Variants in TANGO6 observed in about 807,000 individuals in gnomAD.
TANGO6 encodes the protein transport and Golgi organization protein 6 homolog.
TANGO6 carries 90 observed loss-of-function variants against 114.2 expected under a neutral mutation model. The ratio of observed to expected loss-of-function variants is 0.79; its 90% CI spans 0.66 to 0.94. The LOEUF is 0.94. TANGO6 is among the 40% of genes least tolerant of loss of function. The pLI, the probability that TANGO6 is intolerant of heterozygous loss-of-function variation, is 0.00. For synonymous variants in TANGO6, 477 were observed against 509.8 expected (o/e 0.94, Z 0.87); for missense variants, 1,274 against 1,315.3 (o/e 0.97, Z 0.49).
intron 16 of TANGO6, among the ~76,000 whole-genome samples, chr16:69,037,414 CATA>C (rs1415258463): frequency 2.0e-5 from 3 of 152,208 alleles, no homozygotes; most frequent in Non-Finnish European, 4.4e-5. Flanking sequence ...GGGGAGCAAA[CATA>C]ATGCCTAAGA....
intron 17 of TANGO6, among the ~76,000 whole-genome samples, chr16:69,041,222 G>A (rs549825336): frequency 2.6e-5 from 4 of 152,048 alleles, no homozygotes; most frequent in East Asian, 1.9e-4. Flanking sequence ...CGAGGCAGGC[G>A]GATCACCTGA....
intron 15 of TANGO6, among the ~76,000 whole-genome samples, chr16:68,982,295 AC>A (rs1225365030): frequency 6.6e-6 from 1 of 152,068 alleles, no homozygotes; most frequent in African/African-American, 2.4e-5. Flanking sequence ...ATAATATACA[AC>A]CTATGTAGTC....
At chr16:69,018,967 A>G (rs942308848) in intron 15 of TANGO6, among the ~76,000 whole-genome samples, 1 of 152,144 alleles carries the variant, frequency 6.6e-6, no homozygotes. Flanking sequence ...TAGTAGGAAA[A>G]GTTGTGTGTG....
intron 17 of TANGO6, among the ~76,000 whole-genome samples, chr16:69,045,595 T>C (rs1959843936): frequency 7.0e-6 from 1 of 142,118 alleles, no homozygotes; most frequent in East Asian, 2.1e-4. Context: ...TACAAAAAAT[T>C]AGCTGGGTGT....
chr16:68,902,611 C>T (rs1375888216), intron 9 of TANGO6, 107 bp downstream of exon 9: 2 of 1,048,314 alleles, frequency 1.9e-6, no homozygotes, highest in Non-Finnish European at 2.7e-6. Context: ...ACCAGAAACT[C>T]AAGTGGCTCA....
chr16:68,994,676 A>G (rs571617425), intron 15 of TANGO6, among the ~76,000 whole-genome samples: 43 of 151,400 alleles, frequency 2.8e-4, no homozygotes, highest in African/African-American at 9.9e-4. Context: ...CTGGGCTCAA[A>G]CAATCCTCCC....
intron 10 of TANGO6, among the ~76,000 whole-genome samples, chr16:68,908,610 G>C (rs1363258331): frequency 3.3e-5 from 5 of 152,142 alleles, no homozygotes; most frequent in Non-Finnish European, 5.9e-5. Flanking sequence ...AGCCCAGGAG[G>C]CAGAGGTTTC....
intron 4 of TANGO6, among the ~76,000 whole-genome samples, chr16:68,869,545 C>G (rs369131301): frequency 2.4e-4 from 36 of 152,236 alleles, no homozygotes; most frequent in Admixed American, 3.9e-4. Context: ...ACATCTTTCT[C>G]TGGGTCTTCT....
At chr16:68,986,149 G>A (rs1963887740) in intron 15 of TANGO6, among the ~76,000 whole-genome samples, 1 of 152,214 alleles carries the variant, frequency 6.6e-6, no homozygotes, top group African/African-American at 2.4e-5. Flanking sequence ...TAATCAGCAA[G>A]CTAAGACAAG....
At chr16:68,966,225 T>A (rs1476928597) in intron 14 of TANGO6, among the ~76,000 whole-genome samples, 1 of 146,256 alleles carries the variant, frequency 6.8e-6, no homozygotes, top group East Asian at 2.0e-4. Context: ...GACTCTGTCT[T>A]AAAAAATAAA....
intron 9 of TANGO6, among the ~76,000 whole-genome samples, chr16:68,903,699 A>T (rs964113106): frequency 5.9e-5 from 9 of 151,272 alleles, no homozygotes; most frequent in Admixed American, 1.3e-4. Flanking sequence ...AGGTGGGTAG[A>T]TCACTTGAGG....
intron 15 of TANGO6, among the ~76,000 whole-genome samples, chr16:68,980,430 T>C (rs1265599738): frequency 1.9e-5 from 2 of 102,620 alleles, no homozygotes; most frequent in African/African-American, 4.1e-5. Flanking sequence ...TATATATATA[T>C]ATATATTTTT....
At chr16:69,026,572 T>C (rs1162013963) in intron 16 of TANGO6, 3 of 157,274 alleles carry the variant, frequency 1.9e-5, no homozygotes, top group African/African-American at 7.2e-5. Context: ...CCATGGGATG[T>C]TCAGAGAGCC....
At chr16:68,922,955 T>G (rs1178253198) in intron 12 of TANGO6, among the ~76,000 whole-genome samples, 6 of 143,300 alleles carry the variant, frequency 4.2e-5, no homozygotes, top group South Asian at 2.4e-4. Flanking sequence ...TTTTTTTTTT[T>G]TTTTTTTTTT....
chr16:68,872,954 C>T (rs566192046), intron 4 of TANGO6, among the ~76,000 whole-genome samples: 289 of 150,804 alleles, frequency 1.9e-3, no homozygotes, highest in Non-Finnish European at 3.2e-3. Context: ...CCACCTGCCT[C>T]GGCCTCCCAA....
intron 9 of TANGO6, among the ~76,000 whole-genome samples, chr16:68,906,950 C>G (rs953578085): frequency 1.3e-5 from 2 of 151,992 alleles, no homozygotes; most frequent in African/African-American, 4.8e-5. Flanking sequence ...TGAGCCACTA[C>G]GCCCAGCTAA....
intron 17 of TANGO6, among the ~76,000 whole-genome samples, chr16:69,067,573 A>G (rs983873896): frequency 1.1e-3 from 162 of 150,282 alleles, no homozygotes; most frequent in African/African-American, 3.7e-3. Flanking sequence ...TAATCCCAGC[A>G]CTTTGGGAGG....
At chr16:68,877,185 T>C (rs1032617295) in intron 5 of TANGO6, among the ~76,000 whole-genome samples, 8 of 152,138 alleles carry the variant, frequency 5.3e-5, no homozygotes, top group Admixed American at 5.2e-4. Context: ...ATGAAAAATG[T>C]GGGGCTGGGC....
At chr16:68,864,720 C>T (rs931704144) in intron 3 of TANGO6, among the ~76,000 whole-genome samples, 1 of 152,192 alleles carries the variant, frequency 6.6e-6, no homozygotes, top group Non-Finnish European at 1.5e-5. Context: ...TACTGTAAGC[C>T]TTCCATCAGG....
Sources: gnomAD v4.1 joint callset for allele counts (sites outside exome capture counted in the v4.1 genomes callset) on GRCh38, gnomAD v4.1.1 for gene constraint, MANE v1.5 for transcripts, NCBI Gene and HGNC (gene_info 2026-07-23, HGNC 2026-07-21) for gene names.